TMEM214: variants seen among roughly 807,000 people sequenced by gnomAD.
The protein encoded by TMEM214 is transmembrane protein 214.
Under a neutral mutation model 89.8 loss-of-function variants are expected in TMEM214, and 71 were observed. That is an observed-to-expected ratio of 0.79 (90% CI 0.65 to 0.96). TMEM214 has a LOEUF of 0.96. Among genes scored for constraint, TMEM214 ranks in the 40% least tolerant of loss-of-function variants. The pLI, the probability that TMEM214 is intolerant of heterozygous loss-of-function variation, is 0.00. For missense variants in TMEM214, 754 were observed against 843.4 expected (o/e 0.89, Z 1.31); for synonymous variants, 332 against 349.5 (o/e 0.95, Z 0.56).
At position 27,040,137 on chromosome 2, in the gene TMEM214, C is replaced by G; in HGVS notation, c.1730C>G (p.Ser577Cys). 1 of 1,608,692 alleles carries G rather than the reference C, an allele frequency of 6.2e-7. No homozygotes were observed. The highest frequency in any genetic ancestry group is 8.5e-7 in the Non-Finnish European group (1 of 1,180,018). The change falls in exon 15 of 17, where the codon TCT becomes TGT. Residue 577 changes from serine (S) to cysteine (C), a missense_variant. Coordinates refer to ENST00000238788, the MANE Select transcript of TMEM214 (RefSeq NM_017727.5). ...AHTNATVSFLSAHCASHLAWF... is the reference protein window; with the variant it reads ...AHTNATVSFLCAHCASHLAWF... ...ACCAATGCCACAGTCAGCTTCCTTT[C>G]TGCCCACTGTGCCTCTCACCTTGCG...
In TMEM214 at chr2:27,038,512, TG is replaced by T; in HGVS notation, c.1276del (p.Glu426SerfsTer26). On this transcript the variant is annotated frameshift_variant, in exon 11 of 17. Coordinates refer to ENST00000238788, the MANE Select transcript of TMEM214 (RefSeq NM_017727.5). LOFTEE classifies it high-confidence loss of function. This position sits in a 1 kb window ranked among gnomAD's most constrained non-coding sequence, Gnocchi z 4.4. ...TCTGCTGGAGCACTTGCTCAGCTCC[TG>T]GGAGCAGATTCCCAAGAAGGTGAGG... is the stretch of plus-strand genomic sequence containing the variant. ...SLLLEHLLSS[W>X]EQIPKKVQKS... 6.2e-7 allele frequency: 1 copy of T among 1,614,056 alleles called. No homozygotes were observed. Among genetic ancestry groups the T allele is most frequent in the South Asian group, 1.1e-5 (1 of 91,088 alleles).
In TMEM214 at chr2:27,037,641, C is replaced by A; in HGVS notation, c.1091C>A (p.Thr364Asn). 2 of 1,614,168 alleles carry A rather than the reference C, an allele frequency of 1.2e-6. No individual in the cohort carries two copies. Among genetic ancestry groups the A allele is most frequent in the Non-Finnish European group, 1.7e-6 (2 of 1,180,022 alleles). ...FGAKPDSTLH[T>N]YFPSFLSRAT... The stretch of plus-strand genomic sequence containing the variant: ...GCAAAGCCGGATTCCACCCTGCATA[C>A]CTACTTCCCTTCTTTCCTGTCCAGA... The change falls in exon 9 of 17, where the codon ACC becomes AAC. Residue 364 changes from threonine to asparagine, a missense_variant. Transcript: ENST00000238788.
chr2:27,039,161 C>G lies in TMEM214; in HGVS notation c.1522C>G (p.Gln508Glu), dbSNP rs776104942. 6.2e-7 allele frequency: 1 copy of G among 1,613,402 alleles called. No individual in the cohort carries two copies. Among genetic ancestry groups the G allele is most frequent in the Non-Finnish European group, 8.5e-7 (1 of 1,179,850 alleles). The change falls in exon 13 of 17, where the codon CAG becomes GAG. Residue 508 changes from glutamine to glutamate, a missense_variant. Coordinates refer to ENST00000238788, the MANE Select transcript of TMEM214 (RefSeq NM_017727.5). ...CHDLRSHSSFQASLTGRLLRS... is the reference protein window; with the variant it reads ...CHDLRSHSSFEASLTGRLLRS... ...TGACCTCCGGTCACACAGCTCCTTC[C>G]AGGGTAAGCAGCAATGGGCAAGCGA...
Position 27,036,226 on chromosome 2 carries a change from A to C in TMEM214, c.720+174A>C, listed in dbSNP as rs115854567. ...TGCTCTGGAAACATAGGAGCAAGGT[A>C]CTGCTATTATTTCCCATTTTTATAG... On this transcript the variant is annotated intron_variant, in intron 5 of 16. Transcript: ENST00000238788. Among the ~76,000 whole-genome samples the C allele has an allele frequency of 2.5e-3, 386 of 152,368 alleles. 3 individuals carry two copies. The highest frequency in any genetic ancestry group is 8.8e-3 in the African/African-American group (366 of 41,584).
chr2:27,040,260 A>G, intron 15 of TMEM214, 62 bp downstream of exon 15: 1 of 1,606,476 alleles, frequency 6.2e-7, no homozygotes, highest in Non-Finnish European at 8.5e-7. Context: ...ATTCTGGGAA[A>G]GGAGCAGCAC....
At position 27,033,082 on chromosome 2, in the gene TMEM214, G is replaced by A; in HGVS notation, c.67G>A (p.Gly23Ser). 8.0e-7 allele frequency: 1 copy of A among 1,247,612 alleles called. No individual in the cohort carries two copies. Among genetic ancestry groups the A allele is most frequent in the Non-Finnish European group, 1.0e-6 (1 of 987,970 alleles). 77.3% of individuals were successfully genotyped at this position (1,247,612 alleles called of 1,614,324 possible). ...VVKKGRRPGV[G>S]AGAGGRGGGR... ...GAAGAAGGGTCGGCGGCCTGGGGTC[G>A]GCGCCGGCGCCGGCGGCCGAGGAGG... The change falls in exon 1 of 17, where the codon GGC (glycine) becomes AGC (serine). Residue 23 changes from glycine (G) to serine (S), a missense_variant. Coordinates refer to ENST00000238788, the MANE Select transcript of TMEM214 (RefSeq NM_017727.5).
In TMEM214 at chr2:27,038,108, A is replaced by G; in HGVS notation, c.1153-38A>G. 1.2e-6 allele frequency: 2 copies of G among 1,613,862 alleles called. No homozygotes were observed. The highest frequency in any genetic ancestry group is 1.7e-6 in the Non-Finnish European group (2 of 1,179,970). On this transcript the variant is annotated intron_variant, in intron 9 of 16. Coordinates refer to ENST00000238788, the MANE Select transcript of TMEM214 (RefSeq NM_017727.5). This position sits in a 1 kb window ranked among gnomAD's most constrained non-coding sequence, Gnocchi z 4.4. ...AGCACTCCCCGCCTCTGCCAGCCCCATGCCCCCAGCAGCCTCTCCCTCTGT... is the reference window on the plus strand; with the variant it reads ...AGCACTCCCCGCCTCTGCCAGCCCCGTGCCCCCAGCAGCCTCTCCCTCTGT...
In TMEM214 at chr2:27,039,034, C is replaced by G; in HGVS notation, c.1408-13C>G. The G allele has an allele frequency of 6.2e-7, 1 of 1,612,170 alleles. No individual in the cohort carries two copies. Among genetic ancestry groups the G allele is most frequent in the Non-Finnish European group, 8.5e-7 (1 of 1,179,190 alleles). ...TCGCTTCTGACAACTGTCTCCTGCT[C>G]CCCTCCCACCAGGGCCTGTTGCAGC... is the stretch of plus-strand genomic sequence containing the variant. On this transcript the variant is annotated splice_polypyrimidine_tract_variant and intron_variant, in intron 12 of 16. Transcript: ENST00000238788.
Position 27,038,785 on chromosome 2 carries a change from G to T in TMEM214, c.1377G>T (p.Gln459His). 3 of 1,614,166 alleles carry T rather than the reference G, an allele frequency of 1.9e-6. No individual in the cohort carries two copies. Among genetic ancestry groups the T allele is most frequent in the Non-Finnish European group, 1.7e-6 (2 of 1,180,004 alleles). Reference sequence around the variant, plus strand: ...TGAGGAAGGGTAGCAGTAACAACCAGGATGTCGTCACCTGTGACATGGCCT... The same window carrying T: ...TGAGGAAGGGTAGCAGTAACAACCATGATGTCGTCACCTGTGACATGGCCT... ...ELLRKGSSNN[Q>H]DVVTCDMACK... Residue 459 changes from glutamine to histidine, a missense_variant, in exon 12 of 17, where the codon CAG (glutamine) becomes CAT (histidine). Transcript: ENST00000238788. The surrounding 1 kb of genome is among the most constrained non-coding windows in gnomAD (Gnocchi z 4.4).
chr2:27,037,242 T>C, intron 8 of TMEM214, 64 bp downstream of exon 8: 1 of 1,295,764 alleles, frequency 7.7e-7, no homozygotes, highest in Non-Finnish European at 1.1e-6. Context: ...CACTACATAT[T>C]CCCGTCTCTC....
Position 27,040,116 on chromosome 2 carries a change from A to G in TMEM214, c.1709A>G (p.Asn570Ser), listed in dbSNP as rs374165594. The G allele has an allele frequency of 1.1e-4, 178 of 1,609,428 alleles. No homozygotes were observed. The East Asian group carries it at 1.6e-3, about 15-fold the overall frequency. ...TTGCAGCTGGCCTGGGCTCACACCA[A>G]TGCCACAGTCAGCTTCCTTTCTGCC... ...PSLQLAWAHT[N>S]ATVSFLSAHC... The change falls in exon 15 of 17, where the codon AAT becomes AGT. Residue 570 changes from asparagine to serine, a missense_variant. By Grantham distance (46) the Asn-to-Ser change is conservative. Transcript: ENST00000238788.
Position 27,037,705 on chromosome 2 carries a change from G to A in TMEM214, c.1152+3G>A, listed in dbSNP as rs1459165563. ...GTCCCCCTGAGATGAAGAAAGAGGT[G>A]AGGATATGGTGGGAGGCTTTTTCTC... On this transcript the variant is annotated splice_donor_region_variant and intron_variant, in intron 9 of 16. Coordinates refer to ENST00000238788, the MANE Select transcript of TMEM214 (RefSeq NM_017727.5). The A allele has an allele frequency of 1.2e-6, 2 of 1,614,138 alleles. No individual in the cohort carries two copies. Among genetic ancestry groups the A allele is most frequent in the Non-Finnish European group, 1.7e-6 (2 of 1,180,018 alleles).
At chr2:27,039,525 C>T in intron 13 of TMEM214, 1 of 607,382 alleles carries the variant, frequency 1.6e-6, no homozygotes. Context: ...AGCCTAGGCT[C>T]CAACCGGCAG....
In TMEM214 at chr2:27,038,392, T is replaced by C; in HGVS notation, c.1245-92T>C. 6.3e-7 allele frequency: 1 copy of C among 1,574,876 alleles called. No homozygotes were observed. The highest frequency in any genetic ancestry group is 1.1e-5 in the South Asian group (1 of 90,222). On this transcript the variant is annotated intron_variant, in intron 10 of 16. Coordinates refer to ENST00000238788, the MANE Select transcript of TMEM214 (RefSeq NM_017727.5). The surrounding 1 kb of genome is among the most constrained non-coding windows in gnomAD (Gnocchi z 4.4). ...CTCTGTGGGTGGTAGGTGGAGGGTC[T>C]TTCAGCCTGAAGGAGCCAGGGCTAA...
Position 27,036,711 on chromosome 2 carries a change from T to C in TMEM214, c.833T>C (p.Leu278Pro), listed in dbSNP as rs1558396927. The C allele has an allele frequency of 6.2e-7, 1 of 1,614,190 alleles. No homozygotes were observed. Among genetic ancestry groups the C allele is most frequent in the Non-Finnish European group, 8.5e-7 (1 of 1,180,030 alleles). ...ANLTEGLKVW[L>P]GIMLPVLGIK... ...GTGACTTTTACCCCTGCAGTGTGGC[T>C]GGGGATCATGCTGCCTGTGCTGGGC... The change falls in exon 7 of 17, where the codon CTG becomes CCG. Residue 278 changes from leucine (L) to proline (P), a missense_variant. Physicochemically the swap from Leu to Pro is moderately conservative, Grantham distance 98 (BLOSUM62 -3). Transcript: ENST00000238788.
intron 5 of TMEM214, 75 bp from the exon 6 acceptor site, chr2:27,036,412 C>G (rs952230691): frequency 1.0e-4 from 127 of 1,245,656 alleles, no homozygotes; most frequent in Non-Finnish European, 1.5e-4. Context: ...TGACATCTCC[C>G]TTCCCTCCTG....
At position 27,038,109 on chromosome 2, in the gene TMEM214, T is replaced by C; in HGVS notation, c.1153-37T>C. On this transcript the variant is annotated intron_variant, in intron 9 of 16. Coordinates refer to ENST00000238788, the MANE Select transcript of TMEM214 (RefSeq NM_017727.5). This position sits in a 1 kb window ranked among gnomAD's most constrained non-coding sequence, Gnocchi z 4.4. ...GCACTCCCCGCCTCTGCCAGCCCCA[T>C]GCCCCCAGCAGCCTCTCCCTCTGTC... 3 of 1,613,934 alleles carry C rather than the reference T, an allele frequency of 1.9e-6. No individual in the cohort carries two copies. Among genetic ancestry groups the C allele is most frequent in the African/African-American group, 2.7e-5 (2 of 75,036 alleles).
Position 27,038,774 on chromosome 2 carries a change from A to T in TMEM214, c.1366A>T (p.Ser456Cys). The change falls in exon 12 of 17, where the codon AGT becomes TGT. Residue 456 changes from serine to cysteine, a missense_variant. Coordinates refer to ENST00000238788, the MANE Select transcript of TMEM214 (RefSeq NM_017727.5). The surrounding 1 kb of genome is among the most constrained non-coding windows in gnomAD (Gnocchi z 4.4). ...CCAGGAGCTGCTGAGGAAGGGTAGC[A>T]GTAACAACCAGGATGTCGTCACCTG... Reference protein sequence around the residue: ...TNQELLRKGSSNNQDVVTCDM... With the variant: ...TNQELLRKGSCNNQDVVTCDM... The T allele has an allele frequency of 1.9e-6, 3 of 1,614,208 alleles. No homozygotes were observed. Among genetic ancestry groups the T allele is most frequent in the Non-Finnish European group, 2.5e-6 (3 of 1,180,012 alleles).
intron 15 of TMEM214, 26 bp from the exon 16 acceptor site, chr2:27,040,319 G>A (rs779806779): frequency 1.2e-6 from 2 of 1,613,666 alleles, no homozygotes; most frequent in East Asian, 2.2e-5. Context: ...TGGATACTCT[G>A]ACCCCATCCA....
Sources: allele counts gnomAD v4.1 joint callset (sites outside exome capture counted in the v4.1 genomes callset), GRCh38; gene constraint gnomAD v4.1.1; non-coding constraint Gnocchi (gnomAD v3.1); transcripts MANE v1.5; gene names NCBI Gene and HGNC (gene_info 2026-07-23, HGNC 2026-07-21).